Variants in P4HA2 observed in about 807,000 individuals in gnomAD.
P4HA2 encodes prolyl 4-hydroxylase subunit alpha-2.
Under a neutral mutation model 76.9 loss-of-function variants are expected in P4HA2, and 46 were observed. That is an observed-to-expected ratio of 0.60 (90% CI 0.47 to 0.76). The LOEUF is 0.76. Ranked by LOEUF, P4HA2 falls within the 30% of genes least tolerant of loss-of-function variation. The pLI, the probability that P4HA2 is intolerant of heterozygous loss-of-function variation, is 0.00. For missense variants in P4HA2, 583 were observed against 669.4 expected (o/e 0.87, Z 1.42); for synonymous variants, 243 against 254.0 (o/e 0.96, Z 0.41).
intron 4 of P4HA2, among the ~76,000 whole-genome samples, chr5:132,214,504 C>T (rs1753579898): frequency 6.6e-6 from 1 of 152,140 alleles, no homozygotes; most frequent in African/African-American, 2.4e-5. Context: ...GTCAGGTAAA[C>T]ACAGACTTCC....
chr5:132,203,663 T>C (rs940660531), intron 10 of P4HA2, 85 bp downstream of exon 10: 22 of 823,258 alleles, frequency 2.7e-5, no homozygotes, highest in Non-Finnish European at 3.8e-5. Context: ...GTTGGGCCTC[T>C]TGGCCCAGTT....
At chr5:132,214,494 G>A (rs1202446086) in intron 4 of P4HA2, among the ~76,000 whole-genome samples, 1 of 152,168 alleles carries the variant, frequency 6.6e-6, no homozygotes. Context: ...AATTGGGCTA[G>A]TCAGGTAAAC....
chr5:132,220,930 A>G lies in P4HA2; in HGVS notation c.-18-2286T>C, dbSNP rs543241990. Reference sequence around the variant, plus strand: ...CCTGGAGAGCTGGGCACCTCCAAGCAGCAGCTCCCAGACTACCACATCAAC... The same window carrying G: ...CCTGGAGAGCTGGGCACCTCCAAGCGGCAGCTCCCAGACTACCACATCAAC... On this transcript the variant is annotated intron_variant, in intron 1 of 14. Coordinates refer to ENST00000360568, the MANE Select transcript of P4HA2 (RefSeq NM_001017974.2). 3.9e-5 allele frequency among the ~76,000 whole-genome samples: 6 copies of G among 152,364 alleles called. No individual in the cohort carries two copies. The East Asian group carries it at 1.2e-3, about 29-fold the overall frequency.
chr5:132,214,939 T>C (rs768688882), intron 4 of P4HA2, among the ~76,000 whole-genome samples: 19 of 152,164 alleles, frequency 1.2e-4, no homozygotes, highest in Non-Finnish European at 2.5e-4. Context: ...CAATCCCAGG[T>C]GGGAGCCAAG....
chr5:132,204,683 G>T (rs914107619), intron 8 of P4HA2, among the ~76,000 whole-genome samples: 1 of 152,176 alleles, frequency 6.6e-6, no homozygotes, highest in Non-Finnish European at 1.5e-5. Context: ...CTCACACTGG[G>T]TTCCCACAGC....
intron 4 of P4HA2, among the ~76,000 whole-genome samples, chr5:132,215,850 TAAAAAAAAA>T (rs539378974): frequency 6.1e-5 from 5 of 81,910 alleles, no homozygotes; most frequent in Non-Finnish European, 1.1e-4. Context: ...CCTGTCCCTT[TAAAAAAAAA>T]AAAAAAAAAA....
chr5:132,209,157 C>T lies in P4HA2; in HGVS notation c.884G>A (p.Arg295His), dbSNP rs750106952. 15 of 1,613,378 alleles carry T rather than the reference C, an allele frequency of 9.3e-6. No homozygotes were observed. Among genetic ancestry groups the T allele is most frequent in the East Asian group, 2.2e-5 (1 of 44,884 alleles). ...TCTCACCAGTTTGACACCCTCCCCA[C>T]GACAGAGGCTCTCGTAAACATCCCT... ...PERDVYESLC[R>H]GEGVKLTPRR... is the part of the protein sequence containing the mutation. The change falls in exon 7 of 15, where the codon CGT becomes CAT. Residue 295 changes from arginine to histidine, a missense_variant. Arg to His is a conservative substitution (Grantham distance 29). Transcript: ENST00000360568.
intron 8 of P4HA2, among the ~76,000 whole-genome samples, chr5:132,206,222 A>G (rs930302446): frequency 6.6e-6 from 1 of 152,330 alleles, no homozygotes; most frequent in East Asian, 1.9e-4. Context: ...AGAACGGGTA[A>G]GAAATCTCTC....
intron 12 of P4HA2, 121 bp downstream of exon 12, chr5:132,198,200 A>C: frequency 1.2e-6 from 2 of 1,614,128 alleles, no homozygotes; most frequent in Non-Finnish European, 1.7e-6. Flanking sequence ...CACACATCAT[A>C]CTCACGTAGT....
At chr5:132,203,677 G>C (rs1233133741) in intron 10 of P4HA2, 71 bp downstream of exon 10, 4 of 945,768 alleles carry the variant, frequency 4.2e-6, no homozygotes, top group Non-Finnish European at 6.8e-6. Context: ...CCCAGTTCTG[G>C]ACACCCTGTG....
intron 11 of P4HA2, 34 bp downstream of exon 11, chr5:132,198,845 G>A (rs752252236): frequency 2.0e-6 from 3 of 1,493,564 alleles, no homozygotes; most frequent in Admixed American, 1.7e-5. Context: ...GCTAGAGCAG[G>A]GCCCTTTGAA....
chr5:132,225,063 A>AC lies in P4HA2; in HGVS notation c.-19+2726_-19+2727insG, dbSNP rs1554077015. Among the ~76,000 whole-genome samples, 19 of 151,964 alleles carry AC rather than the reference A, an allele frequency of 1.3e-4. 1 individual carries two copies. In the East Asian group the frequency reaches 2.1e-3, roughly 17 times the overall value. On this transcript the variant is annotated intron_variant, in intron 1 of 14. Coordinates refer to ENST00000360568, the MANE Select transcript of P4HA2 (RefSeq NM_001017974.2). ...TCTGCTCTGAGGAAAAAAAAAAAAA[A>AC]AAAAAACTGTCTTTCTATCTCTCAT...
rs1465400591 is a variant in P4HA2, at chr5:132,198,372, A to G, written c.1314T>C (p.Phe438=). 6.2e-7 allele frequency: 1 copy of G among 1,613,306 alleles called. No homozygotes were observed. Among genetic ancestry groups the G allele is most frequent in the Non-Finnish European group, 8.5e-7 (1 of 1,179,976 alleles). Residue 438 remains phenylalanine (F), a synonymous_variant, in exon 12 of 15, where the codon TTT becomes TTC. Coordinates refer to ENST00000360568, the MANE Select transcript of P4HA2 (RefSeq NM_001017974.2). ...EPHFDFSRRP[F]DSGLKTEGNR... ...TCCCCTCTGTTTTGAGGCCGCTGTC[A>G]AAAGGTCGCTGCAACAGACAACAAC...
chr5:132,206,082 A>G (rs1047503783), intron 8 of P4HA2, among the ~76,000 whole-genome samples: 2 of 152,004 alleles, frequency 1.3e-5, no homozygotes, highest in East Asian at 3.9e-4. Context: ...ATGTTTGCCA[A>G]CCTTGTTTGG....
Position 132,191,294 on chromosome 5 carries a change from C to T in P4HA2, c.*1716G>A, listed in dbSNP as rs1355746767. On this transcript the variant is annotated 3_prime_UTR_variant, in exon 15 of 15. Transcript: ENST00000360568. ...TTGGGAGGCCGAGGCGGGCGGATCA[C>T]GAGGTCAGGAGATCGAGACCATCCC... 5.9e-5 allele frequency among the ~76,000 whole-genome samples: 9 copies of T among 152,110 alleles called. No individual in the cohort carries two copies. In the East Asian group the frequency reaches 1.6e-3, roughly 26 times the overall value.
chr5:132,213,886 G>T, intron 5 of P4HA2, 30 bp downstream of exon 5: 1 of 1,611,354 alleles, frequency 6.2e-7, no homozygotes, highest in Non-Finnish European at 8.5e-7. Context: ...GACACATGCG[G>T]GACAGGCAAC....
Position 132,217,587 on chromosome 5 carries a change from GC to G in P4HA2, c.179+164del, listed in dbSNP as rs1754093239. The G allele has an allele frequency of 6.1e-6, 4 of 655,698 alleles. No individual in the cohort carries two copies. In the South Asian group the frequency reaches 7.4e-5, roughly 12 times the overall value. The allele number at this position is 655,698 out of a possible 1,614,324, so 40.6% of individuals were successfully genotyped here. A position where few individuals can be genotyped will look rare whatever the true frequency, so the allele number is the denominator to read the frequency against. ...ATAGAAAATAAACAGTGACTCCTTA[GC>G]CCATGTACTTAGCTCCTCTCAAGCA... is the stretch of plus-strand genomic sequence containing the variant. On this transcript the variant is annotated intron_variant, in intron 3 of 14. Transcript: ENST00000360568.
At chr5:132,198,481 T>C (rs1580655340) in intron 11 of P4HA2, 101 bp from the exon 12 acceptor site, 1 of 1,094,212 alleles carries the variant, frequency 9.1e-7, no homozygotes, top group East Asian at 2.5e-5. Context: ...AAGTGTGTGT[T>C]CCATAAATCA....
At chr5:132,200,522 C>T (rs1004325673) in intron 10 of P4HA2, 7 of 153,374 alleles carry the variant, frequency 4.6e-5, no homozygotes, top group Non-Finnish European at 8.8e-5. Context: ...TAGTCAAGAG[C>T]TTGAAGAAAA....
Sources: allele counts gnomAD v4.1 joint callset (sites outside exome capture counted in the v4.1 genomes callset), GRCh38; gene constraint gnomAD v4.1.1; transcripts MANE v1.5; gene names NCBI Gene and HGNC (gene_info 2026-07-23, HGNC 2026-07-21).